The following DIS3L2 variants were observed in gnomAD, a reference collection of about 807,000 sequenced individuals.
The protein encoded by DIS3L2 is DIS3 like 3'-5' exoribonuclease 2.
A neutral mutation model predicts 97.5 loss-of-function variants in DIS3L2; 34 were observed. The ratio of observed to expected loss-of-function variants is 0.35; its 90% CI spans 0.27 to 0.46. The LOEUF is 0.46. Among genes scored for constraint, DIS3L2 ranks in the 20% least tolerant of loss-of-function variants. The probability of loss-of-function intolerance (pLI) is 1.00; values close to 1 mark genes in which losing one functional copy is unlikely to be tolerated. For missense variants in DIS3L2, 1,038 were observed against 1,146.0 expected, an observed-to-expected ratio of 0.91 and a Z score of 1.36; for synonymous variants, 435 against 445.2, an observed-to-expected ratio of 0.98 and a Z score of 0.29.
intron 6 of DIS3L2, among the ~76,000 whole-genome samples, chr2:232,117,534 A>G (rs1001664215): frequency 6.6e-6 from 1 of 152,194 alleles, no homozygotes; most frequent in African/African-American, 2.4e-5. Context: ...TTGAACTAGC[A>G]AGTGTCAAAT....
intron 13 of DIS3L2, among the ~76,000 whole-genome samples, chr2:232,284,208 G>A (rs1694368473): frequency 6.6e-6 from 1 of 152,060 alleles, no homozygotes; most frequent in South Asian, 2.1e-4. Flanking sequence ...ACTAGAAGAG[G>A]GTCCAGGTTT....
At chr2:231,972,471 G>A (rs1692947583) in intron 1 of DIS3L2, among the ~76,000 whole-genome samples, 1 of 152,174 alleles carries the variant, frequency 6.6e-6, no homozygotes, top group African/African-American at 2.4e-5. Context: ...ATAATCTTAT[G>A]GGACTGCCAT....
At chr2:232,108,140 T>A (rs1697410718) in intron 6 of DIS3L2, among the ~76,000 whole-genome samples, 1 of 151,944 alleles carries the variant, frequency 6.6e-6, no homozygotes, top group South Asian at 2.1e-4. Flanking sequence ...TCAAAAAAAA[T>A]ATTGGCAAAC....
intron 8 of DIS3L2, among the ~76,000 whole-genome samples, chr2:232,137,869 G>C (rs1698401153): frequency 6.6e-6 from 1 of 152,104 alleles, no homozygotes; most frequent in Non-Finnish European, 1.5e-5. Context: ...TTATCCAAAA[G>C]TGATGTCAAC....
At chr2:232,294,806 C>T (rs939087722) in intron 13 of DIS3L2, among the ~76,000 whole-genome samples, 1 of 152,214 alleles carries the variant, frequency 6.6e-6, no homozygotes, top group Non-Finnish European at 1.5e-5. Flanking sequence ...AGGTAGGAAC[C>T]GGCTTTGCAG....
chr2:232,276,284 C>G lies in DIS3L2; in HGVS notation c.1659+12844C>G, dbSNP rs202073520. Among the ~76,000 whole-genome samples, 1 of 152,202 alleles carries G rather than the reference C, an allele frequency of 6.6e-6. No individual in the cohort carries two copies. Among genetic ancestry groups the G allele is most frequent in the East Asian group, 1.9e-4 (1 of 5,192 alleles). On this transcript the variant is annotated intron_variant, in intron 13 of 20. Transcript: ENST00000325385. The surrounding 1 kb of genome is among the most constrained non-coding windows in gnomAD (Gnocchi z 4.4). The stretch of plus-strand genomic sequence containing the variant: ...CATTAGGCAGTTTGAAACTGATTTG[C>G]TACTGTCAGTTTCGACCCGTAAATA...
At chr2:232,161,146 G>A (rs1690637948) in intron 8 of DIS3L2, among the ~76,000 whole-genome samples, 1 of 152,084 alleles carries the variant, frequency 6.6e-6, no homozygotes, top group African/African-American at 2.4e-5. Flanking sequence ...TCAATCTCTT[G>A]ACCTCATGAT....
In DIS3L2 at chr2:232,332,495, G is replaced by A. The variant is rs372797785; in HGVS notation, c.2011-1345G>A. Among the ~76,000 whole-genome samples, 231 of 151,598 alleles carry A rather than the reference G, an allele frequency of 1.5e-3. 1 individual carries two copies. Among genetic ancestry groups the A allele is most frequent in the African/African-American group, 5.1e-3 (210 of 40,986 alleles). ...GACCTTGGACCTCTGCGAGGAACCCGTTCACTCGCTCCCAGGCAGTAGCAC... is the reference window on the plus strand; with the variant it reads ...GACCTTGGACCTCTGCGAGGAACCCATTCACTCGCTCCCAGGCAGTAGCAC... On this transcript the variant is annotated intron_variant, in intron 16 of 20. Coordinates refer to ENST00000325385, the MANE Select transcript of DIS3L2 (RefSeq NM_152383.5).
At chr2:232,019,527 G>C (rs1694454287) in intron 3 of DIS3L2, among the ~76,000 whole-genome samples, 1 of 150,574 alleles carries the variant, frequency 6.6e-6, no homozygotes, top group South Asian at 2.1e-4. Context: ...GCTCCAGCCT[G>C]GGCAACAGAG....
At chr2:232,258,559 G>GGTGACAGA (rs554856498) in intron 12 of DIS3L2, among the ~76,000 whole-genome samples, 51 of 147,498 alleles carry the variant, frequency 3.5e-4, no homozygotes, top group Non-Finnish European at 4.8e-4. Flanking sequence ...ACTCCAACCT[G>GGTGACAGA]GTGACAGAGT....
rs188786721 is a variant in DIS3L2, at chr2:232,257,042, C to A, written c.1426-6165C>A. 2.3e-3 allele frequency among the ~76,000 whole-genome samples: 349 copies of A among 152,304 alleles called. 4 individuals carry two copies. Among genetic ancestry groups the A allele is most frequent in the African/African-American group, 8.2e-3 (342 of 41,570 alleles). On this transcript the variant is annotated intron_variant, in intron 12 of 20. Coordinates refer to ENST00000325385, the MANE Select transcript of DIS3L2 (RefSeq NM_152383.5). ...CTGAGGCAGGAGAATTGCTTGAACC[C>A]AGGAGGCAGAAGTTGCAGTGAGCCA... is the stretch of plus-strand genomic sequence containing the variant.
chr2:231,965,664 G>A (rs1692687701), intron 1 of DIS3L2, among the ~76,000 whole-genome samples: 1 of 152,140 alleles, frequency 6.6e-6, no homozygotes, highest in African/African-American at 2.4e-5. Context: ...CCTTGGAGAT[G>A]GGGGAGAGTG....
At chr2:232,075,696 A>G (rs933151028) in intron 5 of DIS3L2, among the ~76,000 whole-genome samples, 6 of 151,868 alleles carry the variant, frequency 4.0e-5, no homozygotes, top group Admixed American at 1.3e-4. Flanking sequence ...AACTGCTCCT[A>G]ATTTTTCTGT....
chr2:231,971,001 T>G (rs4297869), intron 1 of DIS3L2, among the ~76,000 whole-genome samples: 83,313 of 151,936 alleles, frequency 0.55, 25,308 homozygotes, highest in East Asian at 0.82. Context: ...TAGAGTCAGG[T>G]TCATCAGTAT....
intron 14 of DIS3L2, among the ~76,000 whole-genome samples, chr2:232,300,769 C>G (rs1043573140): frequency 6.6e-6 from 1 of 151,684 alleles, no homozygotes; most frequent in African/African-American, 2.4e-5. Flanking sequence ...ATCCTCCCAC[C>G]TGTTTCCCGA....
In DIS3L2 at chr2:232,265,749, A is replaced by C. The variant is rs539449653; in HGVS notation, c.1659+2309A>C. On this transcript the variant is annotated intron_variant, in intron 13 of 20. Coordinates refer to ENST00000325385, the MANE Select transcript of DIS3L2 (RefSeq NM_152383.5). Reference sequence around the variant, plus strand: ...CAGTTGTAAAACAGGGGATAATTACAAAATCCATTAAGCATTCTGTATTCA... The same window carrying C: ...CAGTTGTAAAACAGGGGATAATTACCAAATCCATTAAGCATTCTGTATTCA... 7.2e-5 allele frequency among the ~76,000 whole-genome samples: 11 copies of C among 152,382 alleles called. No homozygotes were observed. The East Asian group carries it at 1.9e-3, about 27-fold the overall frequency.
At chr2:232,336,256 A>G in intron 20 of DIS3L2, 1 of 1,543,892 alleles carries the variant, frequency 6.5e-7, no homozygotes, top group South Asian at 1.2e-5. Context: ...TGTGTTTCAT[A>G]AGCCTTGGGA....
intron 1 of DIS3L2, among the ~76,000 whole-genome samples, chr2:231,995,546 T>G (rs144483803): frequency 0.014 from 2,111 of 152,266 alleles, 26 homozygotes; most frequent in Middle Eastern, 0.024. Context: ...ACTTCAACCT[T>G]TCTACATTTT....
chr2:232,136,598 A>C lies in DIS3L2; in HGVS notation c.829A>C (p.Arg277=), dbSNP rs1252903119. The change falls in exon 8 of 21, where the codon AGA becomes CGA. Residue 277 remains arginine (R), a synonymous_variant. Transcript: ENST00000325385. ...TTCTCCCTCAGACCACCGAGTGCCTAGAATTTATGTGCCTCTCAAGGACTG... is the reference window on the plus strand; with the variant it reads ...TTCTCCCTCAGACCACCGAGTGCCTCGAATTTATGTGCCTCTCAAGGACTG... The part of the protein sequence containing the change: ...LFSPSDHRVP[R]IYVPLKDCPQ... The C allele has an allele frequency of 1.2e-6, 2 of 1,613,982 alleles. No homozygotes were observed. The highest frequency in any genetic ancestry group is 4.5e-5 in the East Asian group (2 of 44,872).
Sources: allele counts gnomAD v4.1 joint callset (sites outside exome capture counted in the v4.1 genomes callset), GRCh38; gene constraint gnomAD v4.1.1; non-coding constraint Gnocchi (gnomAD v3.1); transcripts MANE v1.5; gene names NCBI Gene and HGNC (gene_info 2026-07-23, HGNC 2026-07-21).